The following FRYL variants were observed in gnomAD, a reference collection of about 807,000 sequenced individuals.
FRYL encodes the protein protein furry homolog-like.
In FRYL, 150 loss-of-function variants were observed where a neutral mutation model predicts 351.2. The ratio of observed to expected loss-of-function variants is 0.43; its 90% CI spans 0.37 to 0.49. The LOEUF (loss-of-function observed/expected upper bound fraction) is 0.49. Among genes scored for constraint, FRYL ranks in the 20% least tolerant of loss-of-function variants. The pLI, the probability that FRYL is intolerant of heterozygous loss-of-function variation, is 0.00. For missense variants in FRYL, 3,036 were observed against 3,619.3 expected (o/e 0.84, Z 4.13); for synonymous variants, 1,153 against 1,257.1 (o/e 0.92, Z 1.75).
chr4:48,697,531 C>T (rs1766313188), intron 2 of FRYL, among the ~76,000 whole-genome samples: 1 of 152,034 alleles, frequency 6.6e-6, no homozygotes, highest in African/African-American at 2.4e-5. Flanking sequence ...CACTCTGTCC[C>T]CCAGGCTGCG....
chr4:48,714,482 T>C (rs1768503467), intron 1 of FRYL, among the ~76,000 whole-genome samples: 2 of 148,916 alleles, frequency 1.3e-5, no homozygotes, highest in Non-Finnish European at 3.0e-5. Flanking sequence ...CATCAGAGAA[T>C]ACTACAAACA....
rs1744436076 is a variant in FRYL, at chr4:48,595,639, C to T, written c.1199G>A (p.Arg400His). The T allele has an allele frequency of 6.2e-7, 1 of 1,613,254 alleles. No individual in the cohort carries two copies. Among genetic ancestry groups the T allele is most frequent in the Non-Finnish European group, 8.5e-7 (1 of 1,179,532 alleles). ...CACAAATATATTGAGAGGTGTGTCA[C>T]GAGGAACCACACTTCGTGAGCCTTT... ...FPKGSRSVVP[R>H]DTPLNIFVKI... Residue 400 changes from arginine to histidine, a missense_variant, in exon 15 of 64, where the codon CGT (arginine) becomes CAT (histidine). Around this residue, in one of 7 missense-constraint regions of FRYL, gnomAD observed 457 missense variants for 566.6 expected, o/e 0.81. Transcript: ENST00000358350.
intron 59 of FRYL, among the ~76,000 whole-genome samples, chr4:48,509,799 T>C (rs1216526104): frequency 6.6e-6 from 1 of 152,204 alleles, no homozygotes; most frequent in Non-Finnish European, 1.5e-5. Flanking sequence ...CCACTTGGAA[T>C]GTTGACAGCA....
chr4:48,590,827 T>C lies in FRYL; in HGVS notation c.1339A>G (p.Met447Val). 1 of 1,601,094 alleles carries C rather than the reference T, an allele frequency of 6.2e-7. No homozygotes were observed. Among genetic ancestry groups the C allele is most frequent in the Non-Finnish European group, 8.5e-7 (1 of 1,176,638 alleles). The stretch of plus-strand genomic sequence containing the variant: ...AGGAAGACTCTGAGACCTATGTTCA[T>C]TCTCTTCAAAGGAAAAAAATGCAAA... ...TKTFTINPERMNIGLRVFLVI... is the reference protein window; with the variant it reads ...TKTFTINPERVNIGLRVFLVI... Residue 447 changes from methionine to valine, a missense_variant, in exon 17 of 64, where the codon ATG becomes GTG. By Grantham distance (21) the Met-to-Val change is conservative. Around this residue, in one of 7 missense-constraint regions of FRYL, gnomAD observed 457 missense variants for 566.6 expected, o/e 0.81. Coordinates refer to ENST00000358350, the MANE Select transcript of FRYL (RefSeq NM_015030.2).
intron 31 of FRYL, 55 bp from the exon 32 acceptor site, chr4:48,563,043 C>T: frequency 9.2e-7 from 1 of 1,090,120 alleles, no homozygotes; most frequent in Non-Finnish European, 1.4e-6. Context: ...GCTTTTGCAC[C>T]ATTTAATAAA....
At chr4:48,565,489 T>A in intron 29 of FRYL, 42 bp downstream of exon 29, 1 of 1,459,366 alleles carries the variant, frequency 6.9e-7, no homozygotes, top group Non-Finnish European at 9.2e-7. Context: ...AATACTTAAC[T>A]CTGCTCTTAA....
intron 2 of FRYL, among the ~76,000 whole-genome samples, chr4:48,693,705 T>C (rs1247097638): frequency 6.6e-6 from 1 of 151,996 alleles, no homozygotes; most frequent in Non-Finnish European, 1.5e-5. Flanking sequence ...CTCTCAATTA[T>C]ATTTGCCAGT....
At chr4:48,681,291 A>G (rs1160843496) in intron 3 of FRYL, 1 of 232,940 alleles carries the variant, frequency 4.3e-6, no homozygotes, top group South Asian at 5.4e-5. Flanking sequence ...GCTGTTTTGA[A>G]GCTGATTTTC....
chr4:48,616,133 G>A (rs1469226515), intron 7 of FRYL, among the ~76,000 whole-genome samples: 2 of 151,776 alleles, frequency 1.3e-5, no homozygotes, highest in African/African-American at 4.8e-5. Flanking sequence ...TGGGTTGATG[G>A]GTGCAGCAAA....
At chr4:48,704,676 C>CT (rs2149581399) in intron 2 of FRYL, among the ~76,000 whole-genome samples, 1 of 152,094 alleles carries the variant, frequency 6.6e-6, no homozygotes, top group African/African-American at 2.4e-5. Context: ...AGGCTGGGTG[C>CT]AGTGGCTCAG....
chr4:48,607,223 T>TC (rs765404281), intron 9 of FRYL, among the ~76,000 whole-genome samples: 2 of 151,948 alleles, frequency 1.3e-5, no homozygotes, highest in Non-Finnish European at 2.9e-5. Flanking sequence ...ATTATCCCCT[T>TC]CCCCCCTATA....
intron 1 of FRYL, among the ~76,000 whole-genome samples, chr4:48,763,196 C>T (rs1243999621): frequency 6.6e-6 from 1 of 151,044 alleles, no homozygotes; most frequent in Non-Finnish European, 1.5e-5. Flanking sequence ...CAAGGTGGCT[C>T]ATGCCTCTAA....
At chr4:48,507,460 AAAAGAAAG>A (rs55854625) in intron 59 of FRYL, among the ~76,000 whole-genome samples, 3 of 151,998 alleles carry the variant, frequency 2.0e-5, no homozygotes, top group East Asian at 1.9e-4. Flanking sequence ...TAGCCTGTAT[AAAAGAAAG>A]AAAGACCAAT....
chr4:48,774,956 A>G (rs1347011120), intron 1 of FRYL, among the ~76,000 whole-genome samples: 1 of 152,244 alleles, frequency 6.6e-6, no homozygotes, highest in African/African-American at 2.4e-5. Flanking sequence ...TATGTCAGCA[A>G]AATATGAGTT....
At chr4:48,639,931 G>T (rs566290599) in intron 3 of FRYL, among the ~76,000 whole-genome samples, 37 of 152,196 alleles carry the variant, frequency 2.4e-4, no homozygotes, top group African/African-American at 8.9e-4. Flanking sequence ...TATGTCTTCA[G>T]GGAATTGAAA....
intron 30 of FRYL, 114 bp from the exon 31 acceptor site, chr4:48,564,216 A>T: frequency 8.9e-7 from 1 of 1,127,856 alleles, no homozygotes; most frequent in Non-Finnish European, 1.2e-6. Context: ...TTAATAGAAA[A>T]ATTCCATCTC....
rs149635929 is a variant in FRYL, at chr4:48,706,226, A to G, written c.-204+4293T>C. Among the ~76,000 whole-genome samples the G allele has an allele frequency of 2.8e-3, 431 of 152,338 alleles. 1 individual carries two copies. The highest frequency in any genetic ancestry group is 9.8e-3 in the African/African-American group (409 of 41,578). ...TGTTCCTAGCATCATTATTCACAACAGCCAAAATGTGCAAAGAACTCAAAT... is the reference window on the plus strand; with the variant it reads ...TGTTCCTAGCATCATTATTCACAACGGCCAAAATGTGCAAAGAACTCAAAT... On this transcript the variant is annotated intron_variant, in intron 2 of 63. Transcript: ENST00000358350.
intron 2 of FRYL, among the ~76,000 whole-genome samples, chr4:48,707,511 G>T (rs1270964073): frequency 1.3e-5 from 2 of 151,918 alleles, no homozygotes; most frequent in Non-Finnish European, 2.9e-5. Flanking sequence ...AAAGCAATTG[G>T]TTACACCAGT....
intron 59 of FRYL, chr4:48,506,071 A>G (rs1279962491): frequency 6.5e-6 from 1 of 153,364 alleles, no homozygotes; most frequent in Non-Finnish European, 1.5e-5. Flanking sequence ...TGTCAGTTTT[A>G]AATTTGTGAA....
Sources: allele counts gnomAD v4.1 joint callset (sites outside exome capture counted in the v4.1 genomes callset), GRCh38; gene constraint gnomAD v4.1.1; regional missense constraint gnomAD v4.1.1; transcripts MANE v1.5; gene names NCBI Gene and HGNC (gene_info 2026-07-23, HGNC 2026-07-21).